EARS2: variants seen among roughly 807,000 people sequenced by gnomAD.
EARS2 encodes nondiscriminating glutamyl-tRNA synthetase EARS2, mitochondrial.
EARS2 carries 50 observed loss-of-function variants against 54.1 expected under a neutral mutation model. The ratio of observed to expected loss-of-function variants is 0.92; its 90% CI spans 0.74 to 1.17. The LOEUF (loss-of-function observed/expected upper bound fraction) is 1.17. Ranked by LOEUF, EARS2 falls within the 50% of genes most tolerant of loss-of-function variation. The pLI, the probability that EARS2 is intolerant of heterozygous loss-of-function variation, is 0.00. For missense variants in EARS2, 673 were observed against 675.0 expected (o/e 1.00, Z 0.03); for synonymous variants, 298 against 281.0 (o/e 1.06, Z -0.61).
At chr16:23,534,094 T>G (rs1965372515) in intron 4 of EARS2, among the ~76,000 whole-genome samples, 1 of 150,976 alleles carries the variant, frequency 6.6e-6, no homozygotes, top group Non-Finnish European at 1.5e-5. Context: ...TGCTGGGAGC[T>G]GCTTCTTGTG....
chr16:23,530,131 GGTTTTT>G (rs1485927632), intron 5 of EARS2, among the ~76,000 whole-genome samples: 3 of 152,140 alleles, frequency 2.0e-5, no homozygotes, highest in South Asian at 2.1e-4. Flanking sequence ...TCAGGGGTTT[GGTTTTT>G]GTTTTTGTTT....
At chr16:23,555,541 T>C (rs1437499747) in intron 1 of EARS2, among the ~76,000 whole-genome samples, 1 of 152,180 alleles carries the variant, frequency 6.6e-6, no homozygotes, top group East Asian at 1.9e-4. Flanking sequence ...ATCTAATAAG[T>C]GGCCACGACA....
At chr16:23,538,846 C>A (rs1965466703) in intron 3 of EARS2, among the ~76,000 whole-genome samples, 1 of 151,958 alleles carries the variant, frequency 6.6e-6, no homozygotes, top group Non-Finnish European at 1.5e-5. Context: ...CACAGCAAGA[C>A]CCTGTCTGGA....
At position 23,522,428 on chromosome 16, in the gene EARS2, C is replaced by T. The variant is rs1480959339; in HGVS notation, c.*1943G>A. ...ATCAAAGAACTCAGACAAGATTGGC[C>T]ATTAGCTCCTGTAGCTAGTTCCTGT... is the stretch of plus-strand genomic sequence containing the variant. On this transcript the variant is annotated 3_prime_UTR_variant, in exon 9 of 9. Transcript: ENST00000449606. 3 of 152,442 alleles carry T rather than the reference C, an allele frequency of 2.0e-5. No homozygotes were observed. The allele number at this position is 152,442 out of a possible 1,614,324, so 9.4% of individuals were successfully genotyped here. A position where few individuals can be genotyped will look rare whatever the true frequency, so the allele number is the denominator to read the frequency against.
Position 23,557,307 on chromosome 16 carries a change from T to A in EARS2, c.37A>T (p.Arg13Trp). 2 of 1,522,780 alleles carry A rather than the reference T, an allele frequency of 1.3e-6. No individual in the cohort carries two copies. The highest frequency in any genetic ancestry group is 2.8e-5 in the African/African-American group (2 of 72,362). The allele number at this position is 1,522,780 out of a possible 1,614,324, so 94.3% of individuals were successfully genotyped here. A position where few individuals can be genotyped will look rare whatever the true frequency, so the allele number is the denominator to read the frequency against. Residue 13 changes from arginine (R) to tryptophan (W), a missense_variant, in exon 1 of 9, where the codon AGG (arginine) becomes TGG (tryptophan). Physicochemically the swap from Arg to Trp is moderately radical, Grantham distance 101. Around this residue, in one of 3 missense-constraint regions of EARS2, gnomAD observed 316 missense variants for 275.2 expected, o/e 1.15. Transcript: ENST00000449606. Reference protein sequence around the residue: ...ALLRRLLQRERPSAASGRPVG... With the variant: ...ALLRRLLQREWPSAASGRPVG... Reference sequence around the variant, plus strand: ...GGGCGGCCAGAGGCCGCCGAAGGCCTCTCGCGCTGCAGCAGTCTCCTCAGG... The same window carrying A: ...GGGCGGCCAGAGGCCGCCGAAGGCCACTCGCGCTGCAGCAGTCTCCTCAGG...
At chr16:23,524,527 G>A in intron 8 of EARS2, 73 bp from the exon 9 acceptor site, 2 of 1,354,488 alleles carry the variant, frequency 1.5e-6, no homozygotes, top group Admixed American at 1.7e-5. Context: ...GCCTTAGTCT[G>A]CAGAAATTAT....
At chr16:23,557,020 T>A in intron 1 of EARS2, 185 bp downstream of exon 1, 1 of 916,160 alleles carries the variant, frequency 1.1e-6, no homozygotes, top group Non-Finnish European at 1.7e-6. Flanking sequence ...AAGAAACTCC[T>A]GGCAATTTGA....
intron 1 of EARS2, chr16:23,556,848 G>A: frequency 3.8e-6 from 2 of 525,938 alleles, no homozygotes; most frequent in South Asian, 1.6e-5. Context: ...AGTGTCTGCG[G>A]CAGCCACTAG....
chr16:23,552,113 T>C, intron 2 of EARS2, 36 bp downstream of exon 2: 3 of 1,603,568 alleles, frequency 1.9e-6, no homozygotes, highest in Non-Finnish European at 2.6e-6. Flanking sequence ...TTCCTGTTCC[T>C]TCCCTGCAGA....
intron 3 of EARS2, among the ~76,000 whole-genome samples, chr16:23,540,811 C>G (rs1965499703): frequency 6.6e-6 from 1 of 151,894 alleles, no homozygotes; most frequent in Admixed American, 6.6e-5. Flanking sequence ...GGTGAAACCC[C>G]GTCTCTACTA....
intron 1 of EARS2, chr16:23,556,953 A>G: frequency 1.4e-6 from 1 of 694,286 alleles, no homozygotes; most frequent in Non-Finnish European, 2.6e-6. Flanking sequence ...TCATCAATGC[A>G]CATGTATGGA....
At chr16:23,547,346 G>C (rs1275302990) in intron 2 of EARS2, among the ~76,000 whole-genome samples, 1 of 152,164 alleles carries the variant, frequency 6.6e-6, no homozygotes, top group South Asian at 2.1e-4. Context: ...TGGTAGGAGA[G>C]GGTAGAATGG....
intron 3 of EARS2, chr16:23,537,527 T>A (rs1045075567): frequency 1.6e-4 from 24 of 152,254 alleles, no homozygotes; most frequent in Admixed American, 6.6e-4. Flanking sequence ...GGTATTTCTT[T>A]AAATCCACAG....
At chr16:23,540,113 C>T (rs925869229) in intron 3 of EARS2, among the ~76,000 whole-genome samples, 23 of 152,158 alleles carry the variant, frequency 1.5e-4, no homozygotes, top group African/African-American at 5.5e-4. Context: ...AATATCACAC[C>T]ACTGCACTCC....
At chr16:23,530,274 C>T (rs1276877049) in intron 5 of EARS2, among the ~76,000 whole-genome samples, 2 of 152,108 alleles carry the variant, frequency 1.3e-5, no homozygotes, top group Non-Finnish European at 2.9e-5. Flanking sequence ...CACAGACACA[C>T]ATCACCATGC....
chr16:23,531,453 G>A (rs1045201746), intron 5 of EARS2, among the ~76,000 whole-genome samples: 1 of 151,968 alleles, frequency 6.6e-6, no homozygotes, highest in Admixed American at 6.6e-5. Flanking sequence ...AGTAGAGACG[G>A]GGTTTCACTG....
At chr16:23,553,928 G>T (rs1965736097) in intron 1 of EARS2, among the ~76,000 whole-genome samples, 1 of 151,738 alleles carries the variant, frequency 6.6e-6, no homozygotes, top group Admixed American at 6.6e-5. Flanking sequence ...TTTTGCATAT[G>T]CAGTCTATGC....
chr16:23,528,167 A>C (rs899598223), intron 7 of EARS2, among the ~76,000 whole-genome samples: 3 of 152,240 alleles, frequency 2.0e-5, no homozygotes, highest in Admixed American at 1.3e-4. Context: ...TAGATCTGTG[A>C]GAAATAAATG....
chr16:23,523,312 G>A lies in EARS2; in HGVS notation c.*1059C>T, dbSNP rs931875451. On this transcript the variant is annotated 3_prime_UTR_variant, in exon 9 of 9. Transcript: ENST00000449606. ...GCATATCTCATTTCAGAAACCAGCA[G>A]AGATGATGACTTATAAGTCATGGAG... 1 of 152,196 alleles carries A rather than the reference G, an allele frequency of 6.6e-6. No individual in the cohort carries two copies. The highest frequency in any genetic ancestry group is 2.4e-5 in the African/African-American group (1 of 41,434). The allele number at this position is 152,196 out of a possible 1,614,324, so 9.4% of individuals were successfully genotyped here. A position where few individuals can be genotyped will look rare whatever the true frequency, so the allele number is the denominator to read the frequency against.
Sources: gnomAD v4.1 joint callset for allele counts (sites outside exome capture counted in the v4.1 genomes callset) on GRCh38, gnomAD v4.1.1 for gene constraint, gnomAD v4.1.1 regional missense constraint, MANE v1.5 for transcripts, NCBI Gene and HGNC (gene_info 2026-07-23, HGNC 2026-07-21) for gene names.